The following PGR variants were observed in gnomAD, a reference collection of about 807,000 sequenced individuals.
PGR encodes the protein progesterone receptor, also known as nuclear receptor subfamily 3 group C member 3.
A neutral mutation model predicts 76.1 loss-of-function variants in PGR; 25 were observed. The ratio of observed to expected loss-of-function variants is 0.33; its 90% CI spans 0.24 to 0.46. PGR has a LOEUF of 0.46. Among genes scored for constraint, PGR ranks in the 20% least tolerant of loss-of-function variants. PGR has a pLI of 1.00. For synonymous variants in PGR, 579 were observed against 535.0 expected (o/e 1.08, Z -1.14); for missense variants, 1,172 against 1,225.3 (o/e 0.96, Z 0.65).
At chr11:101,072,978 G>C (rs1860996077) in intron 3 of PGR, among the ~76,000 whole-genome samples, 2 of 152,022 alleles carry the variant, frequency 1.3e-5, no homozygotes, top group African/African-American at 4.8e-5. Flanking sequence ...GTGGACCTAA[G>C]AGACATCTAC....
At chr11:101,114,200 C>A (rs565947257) in intron 2 of PGR, among the ~76,000 whole-genome samples, 1 of 152,344 alleles carries the variant, frequency 6.6e-6, no homozygotes, top group East Asian at 1.9e-4. Flanking sequence ...TATACTTCCA[C>A]AATTCTCAGC....
rs1054151218 is a variant in PGR at position 101,031,097 on chromosome 11, G to C, written c.*8019C>G. ...AGTGGTAAGCCATGGCTCTCCTGAA[G>C]GGGCAAGGTGACTCCACAGCAGGGC... On this transcript the variant is annotated 3_prime_UTR_variant, in exon 8 of 8. Coordinates refer to ENST00000325455, the MANE Select transcript of PGR (RefSeq NM_000926.4). 1.0e-5 allele frequency: 2 copies of C among 200,570 alleles called. No individual in the cohort carries two copies. The highest frequency in any genetic ancestry group is 2.1e-5 in the Non-Finnish European group (2 of 97,296). The allele number at this position is 200,570 out of a possible 1,614,324, so 12.4% of individuals were successfully genotyped here. A position where few individuals can be genotyped will look rare whatever the true frequency, so the allele number is the denominator to read the frequency against.
intron 3 of PGR, among the ~76,000 whole-genome samples, chr11:101,066,688 G>C (rs1311347488): frequency 2.6e-5 from 4 of 152,088 alleles, no homozygotes; most frequent in African/African-American, 9.7e-5. Flanking sequence ...GCATCTTCTA[G>C]GTTTGTAACT....
At chr11:101,057,871 G>T (rs1314443020) in intron 4 of PGR, among the ~76,000 whole-genome samples, 2 of 152,138 alleles carry the variant, frequency 1.3e-5, no homozygotes, top group Admixed American at 6.5e-5. Flanking sequence ...GCAGTTGAAA[G>T]TTCAGTAGTT....
intron 2 of PGR, among the ~76,000 whole-genome samples, chr11:101,093,390 T>A (rs1418666437): frequency 2.6e-5 from 4 of 152,130 alleles, no homozygotes; most frequent in African/African-American, 9.7e-5. Flanking sequence ...TAAGTCAGTC[T>A]ATCAGTTGAT....
rs1859336443 is a variant in PGR at position 101,031,096 on chromosome 11, A to G, written c.*8020T>C. 5.0e-6 allele frequency: 1 copy of G among 200,422 alleles called. No individual in the cohort carries two copies. Among genetic ancestry groups the G allele is most frequent in the Non-Finnish European group, 1.0e-5 (1 of 97,168 alleles). The allele number at this position is 200,422 out of a possible 1,614,324, so 12.4% of individuals were successfully genotyped here. A position where few individuals can be genotyped will look rare whatever the true frequency, so the allele number is the denominator to read the frequency against. ...CAGTGGTAAGCCATGGCTCTCCTGA[A>G]GGGGCAAGGTGACTCCACAGCAGGG... On this transcript the variant is annotated 3_prime_UTR_variant, in exon 8 of 8. Transcript: ENST00000325455.
chr11:101,094,674 T>A (rs1226240675), intron 2 of PGR, among the ~76,000 whole-genome samples: 1 of 152,232 alleles, frequency 6.6e-6, no homozygotes, highest in Non-Finnish European at 1.5e-5. Context: ...TCATGAATTG[T>A]ATTATTAGAG....
At chr11:101,099,714 A>G (rs755877429) in intron 2 of PGR, among the ~76,000 whole-genome samples, 4 of 152,178 alleles carry the variant, frequency 2.6e-5, no homozygotes. Context: ...ACAGGATTAC[A>G]GTTAGAGGCT....
At chr11:101,126,483 C>A (rs188218082) in intron 1 of PGR, among the ~76,000 whole-genome samples, 37 of 152,278 alleles carry the variant, frequency 2.4e-4, no homozygotes, top group Admixed American at 7.8e-4. Flanking sequence ...TAGTCTTTGA[C>A]AAATGAAATG....
At chr11:101,110,076 GA>G (rs955844492) in intron 2 of PGR, among the ~76,000 whole-genome samples, 5 of 151,532 alleles carry the variant, frequency 3.3e-5, no homozygotes, top group Admixed American at 3.3e-4. Context: ...CTACTGCTTA[GA>G]AAAAAAAATT....
intron 2 of PGR, among the ~76,000 whole-genome samples, chr11:101,106,600 C>G (rs1022963012): frequency 2.0e-5 from 3 of 152,174 alleles, no homozygotes. Context: ...AATAGGAAAG[C>G]TTTTACACTG....
chr11:101,091,926 G>T (rs1456696212), intron 2 of PGR, 50 bp from the exon 3 acceptor site: 2 of 954,554 alleles, frequency 2.1e-6, no homozygotes, highest in South Asian at 2.6e-5. Flanking sequence ...AAGATTCACT[G>T]GAAATTCTAT....
chr11:101,044,819 G>C (rs573920292), intron 6 of PGR, among the ~76,000 whole-genome samples: 1 of 144,232 alleles, frequency 6.9e-6, no homozygotes, highest in African/African-American at 2.6e-5. Flanking sequence ...CAATTCTCCC[G>C]CCTCAGCCTC....
intron 3 of PGR, among the ~76,000 whole-genome samples, chr11:101,067,200 A>G (rs1427297559): frequency 6.6e-6 from 1 of 152,110 alleles, no homozygotes; most frequent in East Asian, 1.9e-4. Flanking sequence ...GGATATTTGC[A>G]TGGCTTGCTT....
Position 101,030,225 on chromosome 11 carries a change from C to T in PGR, c.*8891G>A, listed in dbSNP as rs374157625. 3.1e-5 allele frequency: 7 copies of T among 222,736 alleles called. No homozygotes were observed. Among genetic ancestry groups the T allele is most frequent in the Non-Finnish European group, 5.4e-5 (6 of 111,654 alleles). 13.8% of individuals were successfully genotyped at this position (222,736 alleles called of 1,614,324 possible). ...CCCTGCATCTCTTGCCAAGTATTAA[C>T]ACTAGTTTTACTAATAAGCAACGGG... On this transcript the variant is annotated 3_prime_UTR_variant, in exon 8 of 8. Transcript: ENST00000325455.
At chr11:101,102,984 G>T (rs1356922333) in intron 2 of PGR, among the ~76,000 whole-genome samples, 1 of 151,932 alleles carries the variant, frequency 6.6e-6, no homozygotes, top group Admixed American at 6.5e-5. Flanking sequence ...GTTTGCAATA[G>T]GGTTTGCGCT....
intron 4 of PGR, among the ~76,000 whole-genome samples, chr11:101,053,340 A>T (rs1860162963): frequency 6.6e-6 from 1 of 151,118 alleles, no homozygotes; most frequent in Non-Finnish European, 1.5e-5. Flanking sequence ...TCCCATCTTC[A>T]TGTGAATAGT....
chr11:101,123,361 C>T (rs1320579356), intron 2 of PGR, among the ~76,000 whole-genome samples: 1 of 152,158 alleles, frequency 6.6e-6, no homozygotes, highest in Non-Finnish European at 1.5e-5. Context: ...CACACAGCGC[C>T]ACCTTGAACC....
At chr11:101,081,970 A>T (rs569560118) in intron 3 of PGR, among the ~76,000 whole-genome samples, 32 of 152,300 alleles carry the variant, frequency 2.1e-4, no homozygotes, top group African/African-American at 7.7e-4. Context: ...GTCCTCACCC[A>T]AATCTCACGT....
Sources: gnomAD v4.1 joint callset for allele counts (sites outside exome capture counted in the v4.1 genomes callset) on GRCh38, gnomAD v4.1.1 for gene constraint, MANE v1.5 for transcripts, NCBI Gene and HGNC (gene_info 2026-07-23, HGNC 2026-07-21) for gene names.